LRRC8C: variants seen among roughly 807,000 people sequenced by gnomAD.
LRRC8C encodes leucine rich repeat containing 8 VRAC subunit C.
LRRC8C carries 20 observed loss-of-function variants against 55.3 expected under a neutral mutation model. The observed-to-expected ratio is 0.36, with a 90% confidence interval of 0.25 to 0.53. LRRC8C has a LOEUF of 0.53. Ranked by LOEUF, LRRC8C falls within the 20% of genes least tolerant of loss-of-function variation. The probability of loss-of-function intolerance (pLI) is 0.92; values close to 1 mark genes in which losing one functional copy is unlikely to be tolerated. For synonymous variants in LRRC8C, 376 were observed against 360.7 expected, an observed-to-expected ratio of 1.04 and a Z score of -0.48; for missense variants, 659 against 951.4, an observed-to-expected ratio of 0.69 and a Z score of 4.04.
intron 1 of LRRC8C, among the ~76,000 whole-genome samples, chr1:89,634,222 G>T (rs776727754): frequency 4.1e-4 from 63 of 152,248 alleles, no homozygotes; most frequent in Non-Finnish European, 6.9e-4. Context: ...AACTTCCCTT[G>T]GTTTCAAATT....
chr1:89,642,485 T>C (rs10922681), intron 1 of LRRC8C, among the ~76,000 whole-genome samples: 150,518 of 152,292 alleles, frequency 0.99, 74,397 homozygotes, highest in Middle Eastern at 1. Flanking sequence ...GAGGCCTAGG[T>C]AAGCGGATCA....
intron 1 of LRRC8C, among the ~76,000 whole-genome samples, chr1:89,635,095 T>A (rs1241270409): frequency 6.6e-6 from 1 of 152,220 alleles, no homozygotes; most frequent in Non-Finnish European, 1.5e-5. Context: ...AAGGGAATGC[T>A]TTTAGTGAAA....
At chr1:89,624,689 C>A in the LRRC8C span, among the ~76,000 whole-genome samples, 1 of 151,924 alleles carries the variant, frequency 6.6e-6, no homozygotes, top group African/African-American at 2.4e-5. Context: ...CAATTCCCTT[C>A]TCTTTCCAAC....
At chr1:89,709,803 G>C (rs1658596267) in intron 2 of LRRC8C, among the ~76,000 whole-genome samples, 2 of 149,770 alleles carry the variant, frequency 1.3e-5, no homozygotes, top group Non-Finnish European at 3.0e-5. Flanking sequence ...CCAGGCTGGA[G>C]TGCAGTGGCG....
In LRRC8C at chr1:89,717,350, G is replaced by C. The variant is rs1370486213; in HGVS notation, c.*2368G>C. On this transcript the variant is annotated 3_prime_UTR_variant, in exon 3 of 3. Coordinates refer to ENST00000370454, the MANE Select transcript of LRRC8C (RefSeq NM_032270.5). ...CACGCTTATGCTGAAGTCTTTATCT[G>C]GTGTTAACTAAAAATCTCATATGGG... 3 of 152,030 alleles carry C rather than the reference G, an allele frequency of 2.0e-5. No individual in the cohort carries two copies. The highest frequency in any genetic ancestry group is 7.3e-5 in the African/African-American group (3 of 41,376). 9.4% of individuals were successfully genotyped at this position (152,030 alleles called of 1,614,324 possible).
chr1:89,710,316 T>C (rs1353010966), intron 2 of LRRC8C, among the ~76,000 whole-genome samples: 1 of 152,224 alleles, frequency 6.6e-6, no homozygotes, highest in Non-Finnish European at 1.5e-5. Context: ...GTTTGTTTTT[T>C]ATTCCAGGGG....
At chr1:89,676,578 G>A (rs1212555400) in intron 1 of LRRC8C, among the ~76,000 whole-genome samples, 2 of 152,156 alleles carry the variant, frequency 1.3e-5, no homozygotes, top group African/African-American at 4.8e-5. Context: ...GATTGGGTGT[G>A]TCTTTATCTG....
At position 89,713,515 on chromosome 1, in the gene LRRC8C, G is replaced by A. The variant is rs554085091; in HGVS notation, c.945G>A (p.Leu315=). 9 of 1,614,092 alleles carry A rather than the reference G, an allele frequency of 5.6e-6. No homozygotes were observed. The highest frequency in any genetic ancestry group is 1.1e-5 in the South Asian group (1 of 91,082). Residue 315 remains leucine (L), a synonymous_variant, in exon 3 of 3, where the codon TTG becomes TTA. Transcript: ENST00000370454. This position sits in a 1 kb window ranked among gnomAD's most constrained non-coding sequence, Gnocchi z 5.2. ...CTTGCAATCATACCATGGCACACTT[G>A]TTCTCAAAACTGTCCTTTTGCTATC... is the stretch of plus-strand genomic sequence containing the variant. ...NFSCNHTMAH[L]FSKLSFCYLC...
intron 1 of LRRC8C, among the ~76,000 whole-genome samples, chr1:89,683,530 G>A (rs895365418): frequency 6.6e-6 from 1 of 151,910 alleles, no homozygotes; most frequent in African/African-American, 2.4e-5. Flanking sequence ...GCTAATTTTT[G>A]TATTTTTAGT....
chr1:89,648,908 C>T (rs1252778919), intron 1 of LRRC8C, among the ~76,000 whole-genome samples: 3 of 152,182 alleles, frequency 2.0e-5, no homozygotes, highest in Admixed American at 1.3e-4. Context: ...TGGCATATAT[C>T]AATGCCCCAC....
At chr1:89,674,514 C>T (rs905252904) in intron 1 of LRRC8C, among the ~76,000 whole-genome samples, 1 of 152,178 alleles carries the variant, frequency 6.6e-6, no homozygotes, top group African/African-American at 2.4e-5. Context: ...CAAAGCCTTG[C>T]ATTAAATATT....
At chr1:89,658,964 C>T (rs1657025465) in intron 1 of LRRC8C, among the ~76,000 whole-genome samples, 1 of 151,416 alleles carries the variant, frequency 6.6e-6, no homozygotes, top group Non-Finnish European at 1.5e-5. Context: ...GTGTATATTA[C>T]ACTCTAAGTA....
At chr1:89,708,347 C>T (rs533150891) in intron 2 of LRRC8C, among the ~76,000 whole-genome samples, 1 of 152,260 alleles carries the variant, frequency 6.6e-6, no homozygotes, top group East Asian at 1.9e-4. Flanking sequence ...CCTGTACCAA[C>T]AGCCTGGAAC....
intron 1 of LRRC8C, among the ~76,000 whole-genome samples, chr1:89,645,939 A>G (rs985720784): frequency 6.2e-5 from 9 of 145,172 alleles, no homozygotes; most frequent in Admixed American, 3.4e-4. Context: ...GGGCATAGGT[A>G]GTTTGGTAGG....
chr1:89,700,852 T>C (rs1453901276), intron 2 of LRRC8C, among the ~76,000 whole-genome samples: 1 of 152,234 alleles, frequency 6.6e-6, no homozygotes, highest in African/African-American at 2.4e-5. Context: ...CAAGTTAAAG[T>C]ACTGTCTTTT....
intron 1 of LRRC8C, among the ~76,000 whole-genome samples, chr1:89,647,622 G>A (rs1480315641): frequency 6.6e-6 from 1 of 152,114 alleles, no homozygotes; most frequent in Non-Finnish European, 1.5e-5. Context: ...TATACGGTAA[G>A]TAAATAACTT....
intron 1 of LRRC8C, among the ~76,000 whole-genome samples, chr1:89,655,506 A>G (rs1656918764): frequency 6.6e-6 from 1 of 152,220 alleles, no homozygotes; most frequent in African/African-American, 2.4e-5. Context: ...TTGTGCTGCT[A>G]TAACAGAATA....
chr1:89,670,144 A>T (rs1024768314), intron 1 of LRRC8C, among the ~76,000 whole-genome samples: 2 of 152,156 alleles, frequency 1.3e-5, no homozygotes, highest in Non-Finnish European at 2.9e-5. Context: ...CAGAATAGTT[A>T]TTATATCAGC....
intron 1 of LRRC8C, among the ~76,000 whole-genome samples, chr1:89,651,662 G>A (rs904348742): frequency 5.3e-5 from 8 of 151,270 alleles, no homozygotes; most frequent in African/African-American, 1.7e-4. Context: ...AAAAGTTTAT[G>A]GATCCTTGCA....
Sources: gnomAD v4.1 joint callset for allele counts (sites outside exome capture counted in the v4.1 genomes callset) on GRCh38, gnomAD v4.1.1 for gene constraint, Gnocchi (gnomAD v3.1) non-coding constraint, MANE v1.5 for transcripts, NCBI Gene and HGNC (gene_info 2026-07-23, HGNC 2026-07-21) for gene names.